The following GARNL3 variants were observed in gnomAD, a reference collection of about 807,000 sequenced individuals.
The protein encoded by GARNL3 is GTPase activating Rap/RanGAP domain like 3.
In GARNL3, 63 loss-of-function variants were observed where a neutral mutation model predicts 125.0. The observed-to-expected ratio is 0.50, with a 90% CI of 0.41 to 0.62. The LOEUF (loss-of-function observed/expected upper bound fraction) is 0.62, where lower values mean the gene tolerates loss of function less well. Among genes scored for constraint, GARNL3 ranks in the 20% least tolerant of loss-of-function variants. The pLI, the probability that GARNL3 is intolerant of heterozygous loss-of-function variation, is 0.00. For synonymous variants in GARNL3, 439 were observed against 457.5 expected (o/e 0.96, Z 0.52); for missense variants, 994 against 1,244.0 (o/e 0.80, Z 3.02).
At chr9:127,313,725 C>T (rs1020170264) in intron 4 of GARNL3, among the ~76,000 whole-genome samples, 166 bp downstream of exon 4, 2 of 151,978 alleles carry the variant, frequency 1.3e-5, no homozygotes, top group African/African-American at 4.8e-5. Flanking sequence ...ACCTTATTTT[C>T]TGCACCAGGA....
At chr9:127,317,535 G>A (rs528399500) in intron 4 of GARNL3, among the ~76,000 whole-genome samples, 57 of 152,020 alleles carry the variant, frequency 3.7e-4, no homozygotes, top group Middle Eastern at 3.2e-3. Context: ...GACCAGCCTG[G>A]CCAACATGGC....
rs751340624 is a variant in GARNL3, at chr9:127,333,049, T to A, written c.697T>A (p.Phe233Ile). Residue 233 changes from phenylalanine (F) to isoleucine (I), a missense_variant, in exon 9 of 28, where the codon TTT becomes ATT. By Grantham distance (21) the Phe-to-Ile change is conservative. This residue lies in a region of GARNL3 where 71 missense variants were observed against 66.2 expected (regional missense o/e 1.07). Coordinates refer to ENST00000373387, the MANE Select transcript of GARNL3 (RefSeq NM_032293.5). Reference sequence around the variant, plus strand: ...AATTGGAAGCGAGCCTTTTCAAAAATTTTTAAATCTTCTGGGTGACACAAT... The same window carrying A: ...AATTGGAAGCGAGCCTTTTCAAAAAATTTTAAATCTTCTGGGTGACACAAT... ...NEIGSEPFQK[F>I]LNLLGDTITL... is the part of the protein sequence containing the mutation. 8.1e-6 allele frequency: 13 copies of A among 1,614,000 alleles called. No individual in the cohort carries two copies. The highest frequency in any genetic ancestry group is 2.2e-5 in the East Asian group (1 of 44,906).
chr9:127,252,463 T>G (rs2063422633), intron 2 of GARNL3, among the ~76,000 whole-genome samples: 1 of 152,214 alleles, frequency 6.6e-6, no homozygotes, highest in African/African-American at 2.4e-5. Flanking sequence ...TCTTTTTTCA[T>G]TAAATCCAAT....
upstream of GARNL3, chr9:127,263,729 C>T (rs148850934): frequency 8.8e-4 from 1,047 of 1,191,132 alleles, 5 homozygotes; most frequent in African/African-American, 0.015. Context: ...TGATGTGTTG[C>T]CCATTTTCAG....
At chr9:127,326,178 T>A (rs908179386) in intron 7 of GARNL3, among the ~76,000 whole-genome samples, 12 of 152,180 alleles carry the variant, frequency 7.9e-5, no homozygotes, top group Middle Eastern at 3.2e-3. Flanking sequence ...TAGTACACCC[T>A]GCCTGTCACC....
At chr9:127,253,566 A>T (rs2063443246) in intron 2 of GARNL3, among the ~76,000 whole-genome samples, 1 of 152,078 alleles carries the variant, frequency 6.6e-6, no homozygotes, top group Admixed American at 6.6e-5. Context: ...CTAGTTTGGG[A>T]GGGAGAGTCA....
intron 16 of GARNL3, among the ~76,000 whole-genome samples, chr9:127,346,281 A>T (rs924660584): frequency 4.6e-5 from 7 of 152,246 alleles, no homozygotes; most frequent in African/African-American, 1.7e-4. Flanking sequence ...GATTTACAGC[A>T]CATCACCAGA....
At chr9:127,334,923 C>G (rs574189886) in intron 9 of GARNL3, among the ~76,000 whole-genome samples, 1 of 152,176 alleles carries the variant, frequency 6.6e-6, no homozygotes, top group Non-Finnish European at 1.5e-5. Flanking sequence ...AATTTCATCC[C>G]GTACCTCCCA....
chr9:127,251,839 C>G (rs1337850054), intron 2 of GARNL3, among the ~76,000 whole-genome samples: 4 of 152,164 alleles, frequency 2.6e-5, no homozygotes, highest in African/African-American at 9.7e-5. Context: ...ACTCTCTGCC[C>G]TTTTTCTATC....
At chr9:127,300,127 T>C in intron 2 of GARNL3, 2 of 327,526 alleles carry the variant, frequency 6.1e-6, no homozygotes, top group South Asian at 3.4e-5. Flanking sequence ...AGTGCTGTCA[T>C]CATTTACCTC....
chr9:127,234,790 A>T lies in GARNL3; in HGVS notation c.-28-8289A>T, dbSNP rs1054625770. ...CTGCTACAGCACCTTTTGTGTCCTC[A>T]TGTGGTAGAAAAGGTGAATAAGCTC... is the stretch of plus-strand genomic sequence containing the variant. On this transcript the variant is annotated intron_variant, in intron 1 of 10. Coordinates refer to the GARNL3 transcript ENST00000439286. 2.0e-5 allele frequency among the ~76,000 whole-genome samples: 3 copies of T among 152,196 alleles called. No homozygotes were observed. In the East Asian group the frequency reaches 5.8e-4, roughly 29 times the overall value.
intron 22 of GARNL3, among the ~76,000 whole-genome samples, chr9:127,376,021 G>A (rs573862106): frequency 1.3e-5 from 2 of 152,280 alleles, no homozygotes; most frequent in South Asian, 2.1e-4. Flanking sequence ...GTATAGTGGC[G>A]TGATCTTGGC....
At chr9:127,379,329 A>G (rs974035651) in intron 22 of GARNL3, among the ~76,000 whole-genome samples, 2 of 152,184 alleles carry the variant, frequency 1.3e-5, no homozygotes, top group South Asian at 2.1e-4. Flanking sequence ...CACTGGGACC[A>G]CCTCGTTCTA....
chr9:127,393,040 T>G, intron 27 of GARNL3, 43 bp from the exon 28 acceptor site: 1 of 1,510,118 alleles, frequency 6.6e-7, no homozygotes, highest in Non-Finnish European at 9.1e-7. Flanking sequence ...CCCAGTTCTG[T>G]GGTACTCCCA....
intron 19 of GARNL3, among the ~76,000 whole-genome samples, chr9:127,354,896 G>A (rs1255113401): frequency 1.3e-5 from 2 of 152,178 alleles, no homozygotes; most frequent in East Asian, 1.9e-4. Flanking sequence ...GGGTTCAAGC[G>A]ATTCTCCTGC....
chr9:127,274,961 A>G (rs1333296487), intron 1 of GARNL3, among the ~76,000 whole-genome samples: 1 of 152,136 alleles, frequency 6.6e-6, no homozygotes, highest in Non-Finnish European at 1.5e-5. Context: ...CCTTACTTGT[A>G]CCAGATCATT....
chr9:127,343,199 G>A (rs1359887878), intron 14 of GARNL3, among the ~76,000 whole-genome samples: 3 of 151,794 alleles, frequency 2.0e-5, no homozygotes, highest in Non-Finnish European at 2.9e-5. Context: ...GCGCCCGGCC[G>A]ACCAGCACCA....
chr9:127,265,701 G>C (rs1378849372), intron 1 of GARNL3, among the ~76,000 whole-genome samples: 1 of 152,136 alleles, frequency 6.6e-6, no homozygotes, highest in Non-Finnish European at 1.5e-5. Flanking sequence ...CAAATTTTCA[G>C]AAATGTGCTC....
chr9:127,319,792 C>T (rs1175488682), intron 5 of GARNL3, among the ~76,000 whole-genome samples: 1 of 152,094 alleles, frequency 6.6e-6, no homozygotes, highest in East Asian at 1.9e-4. Flanking sequence ...TACTCTAGCT[C>T]CTTTCTTCTT....
Sources: allele counts gnomAD v4.1 joint callset (sites outside exome capture counted in the v4.1 genomes callset), GRCh38; gene constraint gnomAD v4.1.1; regional missense constraint gnomAD v4.1.1; transcripts MANE v1.5; gene names NCBI Gene and HGNC (gene_info 2026-07-23, HGNC 2026-07-21).